The following SLC9A7 variants were observed in gnomAD, a reference collection of about 807,000 sequenced individuals.
SLC9A7 encodes sodium/hydrogen exchanger 7.
Under a neutral mutation model 52.6 loss-of-function variants are expected in SLC9A7, and 19 were observed. That is an observed-to-expected ratio of 0.36 (90% CI 0.25 to 0.53). SLC9A7 has a LOEUF of 0.53. Among genes scored for constraint, SLC9A7 ranks in the 20% least tolerant of loss-of-function variants. The pLI is 0.91. For synonymous variants in SLC9A7, 226 were observed against 252.1 expected (o/e 0.90, Z 0.98); for missense variants, 455 against 597.9 (o/e 0.76, Z 2.49).
intron 1 of SLC9A7, among the ~76,000 whole-genome samples, chrX:46,718,586 T>TA (rs1490386576): frequency 9.0e-6 from 1 of 111,629 alleles, no homozygotes; most frequent in Non-Finnish European, 1.9e-5. Context: ...ACAAAGAACT[T>TA]AACAAATTTA....
intron 13 of SLC9A7, among the ~76,000 whole-genome samples, chrX:46,633,277 T>TGCAGAACA (rs1352014279): frequency 1.1e-5 from 1 of 87,256 alleles, no homozygotes; most frequent in African/African-American, 4.6e-5. Flanking sequence ...CTGATATAAG[T>TGCAGAACA]GCAGAACAGG....
At chrX:46,744,750 T>C (rs1921609674) in intron 1 of SLC9A7, among the ~76,000 whole-genome samples, 1 of 111,929 alleles carries the variant, frequency 8.9e-6, no homozygotes. Context: ...ATATACAGAA[T>C]CTTAATTTTT....
At position 46,599,588 on chromosome X, in the gene SLC9A7, A is replaced by G. The variant is rs1942628424; in HGVS notation, c.*7364T>C. 1 of 112,275 alleles carries G rather than the reference A, an allele frequency of 8.9e-6. No homozygotes were observed. The highest frequency in any genetic ancestry group is 3.2e-5 in the African/African-American group (1 of 30,907). The allele number at this position is 112,275 out of a possible 1,213,427, so 9.3% of individuals were successfully genotyped here. A position where few individuals can be genotyped will look rare whatever the true frequency, so the allele number is the denominator to read the frequency against. ...ACACATGGCTAGCTTTACAATAGCAATCTAAACATACACAAAGGCAAACAT... is the reference window on the plus strand; with the variant it reads ...ACACATGGCTAGCTTTACAATAGCAGTCTAAACATACACAAAGGCAAACAT... On this transcript the variant is annotated 3_prime_UTR_variant, in exon 17 of 17. Transcript: ENST00000616978.
At chrX:46,661,082 T>C (rs1469595182) in intron 7 of SLC9A7, among the ~76,000 whole-genome samples, 6 of 111,104 alleles carry the variant, frequency 5.4e-5, no homozygotes, top group African/African-American at 2.0e-4. Context: ...GGGACATGGA[T>C]GAAACTGGAA....
chrX:46,632,931 C>T (rs1426986729), intron 13 of SLC9A7, among the ~76,000 whole-genome samples: 1 of 110,113 alleles, frequency 9.1e-6, no homozygotes, highest in African/African-American at 3.3e-5. Flanking sequence ...ACTATAAAAG[C>T]ACCAGGGCAG....
At chrX:46,622,063 GAGA>G (rs761237797) in intron 14 of SLC9A7, among the ~76,000 whole-genome samples, 70 of 112,134 alleles carry the variant, frequency 6.2e-4, no homozygotes, top group African/African-American at 2.2e-3. Flanking sequence ...ACATAGACAA[GAGA>G]AGGAGAGAAA....
At position 46,646,638 on chromosome X, in the gene SLC9A7, T is replaced by C. The variant is rs1477161948; in HGVS notation, c.1462+2048A>G. On this transcript the variant is annotated intron_variant, in intron 11 of 16. Transcript: ENST00000616978. ...TGGGCAGCCACAGCTTCCATGGCTT[T>C]ATGCACGGTCTCTTCATCCCCCAGG... is the stretch of plus-strand genomic sequence containing the variant. 16 of 262,605 alleles carry C rather than the reference T, an allele frequency of 6.1e-5. No individual in the cohort carries two copies. In the East Asian group the frequency reaches 1.5e-3, roughly 25 times the overall value. The allele number at this position is 262,605 out of a possible 1,213,427, so 21.6% of individuals were successfully genotyped here.
At chrX:46,653,526 C>T (rs930274297) in intron 8 of SLC9A7, 83 bp downstream of exon 8, 6 of 611,872 alleles carry the variant, frequency 9.8e-6, no homozygotes, top group Non-Finnish European at 1.3e-5. Context: ...CAGCTGTTAT[C>T]TAAGAATTCT....
At chrX:46,724,850 A>G (rs1457815345) in intron 1 of SLC9A7, among the ~76,000 whole-genome samples, 1 of 112,148 alleles carries the variant, frequency 8.9e-6, no homozygotes, top group Non-Finnish European at 1.9e-5. Context: ...GATTTTTAAC[A>G]TTCCATTTCC....
chrX:46,675,061 A>ATGTGTGTGTGTGTGTGTGTGTG (rs397895552), intron 3 of SLC9A7, among the ~76,000 whole-genome samples: 1 of 68,863 alleles, frequency 1.5e-5, no homozygotes, highest in Admixed American at 1.7e-4. Context: ...GAGAGAGTGA[A>ATGTGTGTGTGTGTGTGTGTGTG]TGTGTGTGTG....
chrX:46,717,221 G>T (rs546725330), intron 1 of SLC9A7, among the ~76,000 whole-genome samples: 2 of 112,321 alleles, frequency 1.8e-5, no homozygotes, highest in African/African-American at 6.5e-5. Flanking sequence ...CAAAGGTCAG[G>T]TGATTAGAAA....
At chrX:46,714,835 A>G (rs964886998) in intron 1 of SLC9A7, among the ~76,000 whole-genome samples, 12 of 111,841 alleles carry the variant, frequency 1.1e-4, no homozygotes, top group Non-Finnish European at 1.9e-4. Context: ...TAAGGAGTGT[A>G]GTGTGGAGTA....
chrX:46,669,161 CTG>C (rs1943977030), intron 5 of SLC9A7, among the ~76,000 whole-genome samples: 2 of 80,183 alleles, frequency 2.5e-5, no homozygotes, highest in Non-Finnish European at 4.9e-5. Context: ...GAGCAAGACT[CTG>C]TCTCAAAAAA....
intron 1 of SLC9A7, among the ~76,000 whole-genome samples, chrX:46,718,173 C>T (rs1223855218): frequency 9.0e-6 from 1 of 111,439 alleles, no homozygotes; most frequent in Admixed American, 9.5e-5. Flanking sequence ...CTTTGACAAA[C>T]CTGACGAAAA....
At chrX:46,738,109 G>GAAAGA (rs1569525314) in intron 1 of SLC9A7, among the ~76,000 whole-genome samples, 39 of 46,686 alleles carry the variant, frequency 8.4e-4, no homozygotes, top group Non-Finnish European at 2.5e-3. Context: ...GAAAGAAAGA[G>GAAAGA]AAAAGAAAAG....
chrX:46,744,169 A>G (rs1392548646), intron 1 of SLC9A7, among the ~76,000 whole-genome samples: 3 of 112,507 alleles, frequency 2.7e-5, no homozygotes, highest in Non-Finnish European at 5.6e-5. Flanking sequence ...GGAAGCAGAC[A>G]GAAGGCATGG....
In SLC9A7 at chrX:46,709,323, C is replaced by T. The variant is rs534811126; in HGVS notation, c.326-26788G>A. 3.6e-5 allele frequency among the ~76,000 whole-genome samples: 4 copies of T among 111,080 alleles called. No homozygotes were observed. The East Asian group carries it at 1.1e-3, about 31-fold the overall frequency. On this transcript the variant is annotated intron_variant, in intron 1 of 16. Coordinates refer to ENST00000616978, the MANE Select transcript of SLC9A7 (RefSeq NM_001257291.2). ...TCAGGAGGCTGAAGTGGGAGGATTG[C>T]TTGAACCCAGGAGGTCAAGGCTGCA...
At chrX:46,665,814 T>C (rs891458942) in intron 5 of SLC9A7, among the ~76,000 whole-genome samples, 1 of 109,096 alleles carries the variant, frequency 9.2e-6, no homozygotes, top group Non-Finnish European at 1.9e-5. Context: ...GCATGTGTTC[T>C]CTGGTGGCTG....
intron 7 of SLC9A7, among the ~76,000 whole-genome samples, chrX:46,655,680 G>A (rs1215374923): frequency 4.4e-5 from 5 of 112,569 alleles, no homozygotes; most frequent in East Asian, 2.8e-4. Context: ...AAAAAACAGC[G>A]CACCAGGAGA....
Sources: gnomAD v4.1 joint callset for allele counts (sites outside exome capture counted in the v4.1 genomes callset) on GRCh38, gnomAD v4.1.1 for gene constraint, MANE v1.5 for transcripts, NCBI Gene and HGNC (gene_info 2026-07-23, HGNC 2026-07-21) for gene names.